ZMAT4: variants seen among roughly 807,000 people sequenced by gnomAD.
ZMAT4 encodes the protein zinc finger matrin-type protein 4.
A neutral mutation model predicts 28.7 loss-of-function variants in ZMAT4; 17 were observed. The observed-to-expected ratio is 0.59, with a 90% CI of 0.41 to 0.89. ZMAT4 has a LOEUF of 0.89. ZMAT4 is among the 40% of genes least tolerant of loss of function. The pLI, the probability that ZMAT4 is intolerant of heterozygous loss-of-function variation, is 0.00. For missense variants in ZMAT4, 240 were observed against 283.8 expected, an observed-to-expected ratio of 0.85 and a Z score of 1.11; for synonymous variants, 117 against 109.2, an observed-to-expected ratio of 1.07 and a Z score of -0.44.
chr8:40,589,857 C>A (rs1018751940), intron 5 of ZMAT4, among the ~76,000 whole-genome samples: 9 of 145,786 alleles, frequency 6.2e-5, no homozygotes, highest in African/African-American at 2.3e-4. Context: ...TTCCTTTCTT[C>A]CTCTCTCTCC....
At chr8:40,782,231 T>TACA (rs1813865875) in intron 2 of ZMAT4, among the ~76,000 whole-genome samples, 1 of 151,670 alleles carries the variant, frequency 6.6e-6, no homozygotes, top group South Asian at 2.1e-4. Flanking sequence ...ACTAAAAAGA[T>TACA]AAAAATTAGC....
chr8:40,551,007 A>G (rs1329217879), intron 6 of ZMAT4, among the ~76,000 whole-genome samples: 1 of 152,140 alleles, frequency 6.6e-6, no homozygotes, highest in Non-Finnish European at 1.5e-5. Flanking sequence ...TGTCCCTACT[A>G]TATCCCACCT....
At chr8:40,612,568 C>G (rs1805838053) in intron 5 of ZMAT4, among the ~76,000 whole-genome samples, 1 of 137,066 alleles carries the variant, frequency 7.3e-6, no homozygotes, top group African/African-American at 2.5e-5. Context: ...TCTGTCATGA[C>G]CTTGTGTTTA....
chr8:40,781,654 T>G (rs1035476804), intron 2 of ZMAT4, among the ~76,000 whole-genome samples: 1 of 142,774 alleles, frequency 7.0e-6, no homozygotes. Flanking sequence ...CCCAGCTACT[T>G]GGGAGGCTGA....
intron 2 of ZMAT4, among the ~76,000 whole-genome samples, chr8:40,770,095 C>T (rs965722638): frequency 1.3e-5 from 2 of 152,102 alleles, no homozygotes; most frequent in Non-Finnish European, 2.9e-5. Context: ...CTAGGGTTTC[C>T]GGTGAGGAAA....
At chr8:40,808,954 A>G (rs1344969543) in intron 2 of ZMAT4, among the ~76,000 whole-genome samples, 1 of 152,108 alleles carries the variant, frequency 6.6e-6, no homozygotes, top group African/African-American at 2.4e-5. Flanking sequence ...TCCTTTGGGT[A>G]TATACCCAGT....
At chr8:40,710,848 T>A (rs1283276677) in intron 3 of ZMAT4, among the ~76,000 whole-genome samples, 1 of 152,058 alleles carries the variant, frequency 6.6e-6, no homozygotes, top group Non-Finnish European at 1.5e-5. Flanking sequence ...TGGCGCGATC[T>A]CGGCTCACTG....
chr8:40,678,522 C>T (rs921994449), intron 4 of ZMAT4, among the ~76,000 whole-genome samples: 2 of 152,162 alleles, frequency 1.3e-5, no homozygotes, highest in African/African-American at 4.8e-5. Context: ...CTACTGAATC[C>T]CATATGCTTT....
chr8:40,596,246 T>C (rs1805099036), intron 5 of ZMAT4, among the ~76,000 whole-genome samples: 1 of 152,180 alleles, frequency 6.6e-6, no homozygotes, highest in South Asian at 2.1e-4. Context: ...GCCTAGAACA[T>C]AACTGTACAC....
intron 3 of ZMAT4, among the ~76,000 whole-genome samples, chr8:40,735,700 G>T (rs1165922343): frequency 6.6e-6 from 1 of 152,142 alleles, no homozygotes; most frequent in Non-Finnish European, 1.5e-5. Context: ...TGCTAAGCAT[G>T]GTGTTCAGTG....
At chr8:40,548,510 A>G (rs1803269707) in intron 6 of ZMAT4, among the ~76,000 whole-genome samples, 1 of 152,226 alleles carries the variant, frequency 6.6e-6, no homozygotes, top group African/African-American at 2.4e-5. Flanking sequence ...TAATGTCATG[A>G]AATTTAAACA....
chr8:40,783,339 T>G (rs898383894), intron 2 of ZMAT4, among the ~76,000 whole-genome samples: 1 of 152,118 alleles, frequency 6.6e-6, no homozygotes, highest in Non-Finnish European at 1.5e-5. Context: ...CATAAAAATA[T>G]CCAGAATAAG....
chr8:40,658,040 A>G (rs73677447), intron 5 of ZMAT4, among the ~76,000 whole-genome samples: 1,740 of 152,296 alleles, frequency 0.011, 34 homozygotes, highest in African/African-American at 0.04. Context: ...TTTAAATCCA[A>G]TTCATGTTAT....
intron 5 of ZMAT4, among the ~76,000 whole-genome samples, chr8:40,590,498 A>C (rs1288433938): frequency 6.6e-6 from 1 of 151,998 alleles, no homozygotes; most frequent in African/African-American, 2.4e-5. Flanking sequence ...CGGCTCTTTT[A>C]CAGTGTTCTC....
At chr8:40,717,937 A>G (rs1810925924) in intron 3 of ZMAT4, among the ~76,000 whole-genome samples, 1 of 152,196 alleles carries the variant, frequency 6.6e-6, no homozygotes, top group Non-Finnish European at 1.5e-5. Flanking sequence ...AACATCTTAC[A>G]TAACTGTGAT....
chr8:40,607,851 G>T (rs12334707), intron 5 of ZMAT4, among the ~76,000 whole-genome samples: 273 of 152,212 alleles, frequency 1.8e-3, no homozygotes, highest in African/African-American at 6.1e-3. Context: ...TAGTACTGGG[G>T]TGTGTCTGCA....
chr8:40,742,211 G>A (rs1041768413), intron 3 of ZMAT4, among the ~76,000 whole-genome samples: 16 of 151,682 alleles, frequency 1.1e-4, no homozygotes, highest in Non-Finnish European at 1.9e-4. Context: ...TCATACCACC[G>A]CACTCCAGCC....
rs143405066 is a variant in ZMAT4, at chr8:40,706,355, G to T, written c.193-8954C>A. ...AGGCGTGAGCCACTGCGCCCAGCCA[G>T]AACTAATTATTAAATATCAGTTGAA... On this transcript the variant is annotated intron_variant, in intron 3 of 6. Coordinates refer to ENST00000297737, the MANE Select transcript of ZMAT4 (RefSeq NM_024645.3). Among the ~76,000 whole-genome samples the T allele has an allele frequency of 4.5e-3, 684 of 152,246 alleles. 5 individuals are homozygous for T. The highest frequency in any genetic ancestry group is 0.024 in the Middle Eastern group (7 of 294).
chr8:40,854,758 A>G (rs1166360432), intron 1 of ZMAT4, among the ~76,000 whole-genome samples: 5 of 152,146 alleles, frequency 3.3e-5, no homozygotes, highest in Admixed American at 3.3e-4. Context: ...TGGCAGTTAA[A>G]ACAGTACGGA....
Sources: allele counts gnomAD v4.1 joint callset (sites outside exome capture counted in the v4.1 genomes callset), GRCh38; gene constraint gnomAD v4.1.1; transcripts MANE v1.5; gene names NCBI Gene and HGNC (gene_info 2026-07-23, HGNC 2026-07-21).